Variants in NFIA observed in about 807,000 individuals in gnomAD.
The protein encoded by NFIA is nuclear factor I A, also known as nuclear factor 1 A-type.
Under a neutral mutation model 62.8 loss-of-function variants are expected in NFIA, and 8 were observed. The observed-to-expected ratio is 0.13, with a 90% CI of 0.07 to 0.23. The LOEUF is 0.23. Ranked by LOEUF, NFIA falls within the 10% of genes least tolerant of loss-of-function variation. The pLI, the probability that NFIA is intolerant of heterozygous loss-of-function variation, is 1.00. For synonymous variants in NFIA, 235 were observed against 238.1 expected, an observed-to-expected ratio of 0.99 and a Z score of 0.12; for missense variants, 410 against 642.1, an observed-to-expected ratio of 0.64 and a Z score of 3.91.
intron 2 of NFIA, among the ~76,000 whole-genome samples, chr1:61,127,807 T>G (rs1647002274): frequency 6.6e-6 from 1 of 152,210 alleles, no homozygotes; most frequent in African/African-American, 2.4e-5. Flanking sequence ...TTCCCCTACT[T>G]TTCTTTGTTT....
intron 2 of NFIA, among the ~76,000 whole-genome samples, chr1:61,091,142 C>T (rs897562779): frequency 6.6e-6 from 1 of 152,196 alleles, no homozygotes; most frequent in East Asian, 1.9e-4. Flanking sequence ...CGTTTTTTCT[C>T]GCTCTTTCTT....
chr1:61,079,445 G>A (rs1346264544), upstream of NFIA, among the ~76,000 whole-genome samples: 6 of 152,166 alleles, frequency 3.9e-5, no homozygotes, highest in Non-Finnish European at 8.8e-5. Context: ...AGCTGGCAAG[G>A]TAACGTTTCT....
upstream of NFIA, chr1:61,077,576 C>A: frequency 7.4e-7 from 1 of 1,342,444 alleles, no homozygotes; most frequent in Non-Finnish European, 9.8e-7. Flanking sequence ...ACAAATGAAG[C>A]AATTCGTCTG....
intron 4 of NFIA, among the ~76,000 whole-genome samples, chr1:61,344,356 A>G (rs1392774810): frequency 1.3e-5 from 2 of 152,220 alleles, no homozygotes; most frequent in African/African-American, 2.4e-5. Context: ...TGCTGGGTCC[A>G]TAGAACTCTG....
At chr1:61,168,042 T>G (rs1649704233) in intron 2 of NFIA, among the ~76,000 whole-genome samples, 1 of 152,238 alleles carries the variant, frequency 6.6e-6, no homozygotes, top group African/African-American at 2.4e-5. Context: ...CTAGTGGGTC[T>G]GAGCTTTGAT....
chr1:61,116,483 C>T (rs1222771252), intron 2 of NFIA, among the ~76,000 whole-genome samples: 1 of 151,828 alleles, frequency 6.6e-6, no homozygotes, highest in African/African-American at 2.4e-5. Context: ...AAGGCATCTT[C>T]TGATAGGTGA....
intron 2 of NFIA, among the ~76,000 whole-genome samples, chr1:61,146,737 T>C (rs1648032222): frequency 6.6e-6 from 1 of 152,236 alleles, no homozygotes; most frequent in Non-Finnish European, 1.5e-5. Context: ...CACCCCCACA[T>C]GGTGTGCTTT....
chr1:61,242,086 A>G (rs1359400422), intron 2 of NFIA, among the ~76,000 whole-genome samples: 1 of 152,194 alleles, frequency 6.6e-6, no homozygotes, highest in African/African-American at 2.4e-5. Flanking sequence ...GTTTATAGCA[A>G]TTGCTTTCTG....
In NFIA at chr1:61,406,558, A is replaced by G; in HGVS notation, c.1255-4A>G. The G allele has an allele frequency of 2.6e-6, 1 of 384,690 alleles. No homozygotes were observed. The highest frequency in any genetic ancestry group is 3.6e-6 in the Non-Finnish European group (1 of 275,960). The allele number at this position is 384,690 out of a possible 1,614,324, so 23.8% of individuals were successfully genotyped here. Reference sequence around the variant, plus strand: ...TGTGTTTTCTGCCCCCCCCCCCCCCACAGCCCAATGGGAGCAGCCAAGGCA... The same window carrying G: ...TGTGTTTTCTGCCCCCCCCCCCCCCGCAGCCCAATGGGAGCAGCCAAGGCA... On this transcript the variant is annotated splice_polypyrimidine_tract_variant and splice_region_variant and intron_variant, in intron 8 of 10. Coordinates refer to ENST00000403491, the MANE Select transcript of NFIA (RefSeq NM_001134673.4).
Position 61,277,628 on chromosome 1 carries a change from C to T in NFIA, c.625+43C>T, listed in dbSNP as rs770037639. 8 of 1,595,052 alleles carry T rather than the reference C, an allele frequency of 5.0e-6. No homozygotes were observed. In the South Asian group the frequency reaches 8.8e-5, roughly 18 times the overall value. On this transcript the variant is annotated intron_variant, in intron 3 of 10. Transcript: ENST00000403491. ...CTCTAGCTGCTGCTTTCAGAGTCCACAGCAGCCAGCAGGCCGACTAAGTGT... is the reference window on the plus strand; with the variant it reads ...CTCTAGCTGCTGCTTTCAGAGTCCATAGCAGCCAGCAGGCCGACTAAGTGT...
In NFIA at chr1:61,460,958, T is replaced by G. The variant is rs1186725197; in HGVS notation, c.*5638T>G. The G allele has an allele frequency of 6.6e-6, 1 of 152,248 alleles. No individual in the cohort carries two copies. Among genetic ancestry groups the G allele is most frequent in the Non-Finnish European group, 1.5e-5 (1 of 68,048 alleles). 9.4% of individuals were successfully genotyped at this position (152,248 alleles called of 1,614,324 possible). On this transcript the variant is annotated 3_prime_UTR_variant, in exon 11 of 11. Transcript: ENST00000403491. ...TTCTTGATTTCGGCTGTTTTCAGTA[T>G]TTTGGAGGTATACATTTACTTAAAT...
At chr1:61,328,629 G>A (rs1019319333) in intron 3 of NFIA, among the ~76,000 whole-genome samples, 6 of 151,864 alleles carry the variant, frequency 4.0e-5, no homozygotes, top group African/African-American at 1.5e-4. Flanking sequence ...CTGTTAGTCA[G>A]GCTGGTCTCT....
intron 2 of NFIA, among the ~76,000 whole-genome samples, chr1:61,154,666 G>A (rs976100300): frequency 1.3e-5 from 2 of 152,136 alleles, no homozygotes; most frequent in African/African-American, 4.8e-5. Flanking sequence ...TGCCCAGACT[G>A]GTATTGAACT....
chr1:61,234,787 A>G (rs764890376), intron 2 of NFIA, among the ~76,000 whole-genome samples: 14 of 152,340 alleles, frequency 9.2e-5, no homozygotes, highest in Non-Finnish European at 1.6e-4. Flanking sequence ...AAGACTGAGT[A>G]TGTATTTTGA....
rs149022818 is a variant in NFIA at position 61,125,399 on chromosome 1, C to T, written c.559+36719C>T. Among the ~76,000 whole-genome samples, 18 of 152,260 alleles carry T rather than the reference C, an allele frequency of 1.2e-4. No homozygotes were observed. The East Asian group carries it at 3.3e-3, about 28-fold the overall frequency. ...TTCCATTTAGACCTTATGGTATTTC[C>T]TAAACCTTAGACTGTTTTGAAAGGC... On this transcript the variant is annotated intron_variant, in intron 2 of 10. Transcript: ENST00000403491.
chr1:61,266,191 A>G (rs1465334796), intron 2 of NFIA, among the ~76,000 whole-genome samples: 1 of 152,092 alleles, frequency 6.6e-6, no homozygotes, highest in Non-Finnish European at 1.5e-5. Context: ...TACGACCAGA[A>G]AGTAGACCTC....
At chr1:61,409,895 G>T (rs751998286) in intron 9 of NFIA, among the ~76,000 whole-genome samples, 1 of 152,200 alleles carries the variant, frequency 6.6e-6, no homozygotes, top group Non-Finnish European at 1.5e-5. Flanking sequence ...CAGGTGAGAG[G>T]GTGGAGAGAA....
chr1:61,164,825 C>T (rs1331621048), intron 2 of NFIA, among the ~76,000 whole-genome samples: 1 of 152,132 alleles, frequency 6.6e-6, no homozygotes, highest in Admixed American at 6.5e-5. Flanking sequence ...CATTGTTGCA[C>T]TTACTAGTGA....
chr1:61,402,033 C>CTATTTTTTTTTT (rs1665583318), intron 7 of NFIA, among the ~76,000 whole-genome samples: 1 of 94,568 alleles, frequency 1.1e-5, no homozygotes, highest in African/African-American at 4.1e-5. Context: ...ACTCATTTTT[C>CTATTTTTTTTTT]TTTTTTTTTT....
Sources: allele counts gnomAD v4.1 joint callset (sites outside exome capture counted in the v4.1 genomes callset), GRCh38; gene constraint gnomAD v4.1.1; transcripts MANE v1.5; gene names NCBI Gene and HGNC (gene_info 2026-07-23, HGNC 2026-07-21).